The following ADAM12 variants were observed in gnomAD, a reference collection of about 807,000 sequenced individuals.
The protein encoded by ADAM12 is disintegrin and metalloproteinase domain-containing protein 12.
Under a neutral mutation model 106.4 loss-of-function variants are expected in ADAM12, and 70 were observed. That is an observed-to-expected ratio of 0.66 (90% confidence interval 0.54 to 0.80). The LOEUF is 0.80. Among genes scored for constraint, ADAM12 ranks in the 30% least tolerant of loss-of-function variants. The probability of loss-of-function intolerance (pLI) is 0.00; values close to 1 mark genes in which losing one functional copy is unlikely to be tolerated. For synonymous variants in ADAM12, 420 were observed against 433.5 expected (o/e 0.97, Z 0.39); for missense variants, 1,010 against 1,171.9 (o/e 0.86, Z 2.02).
intron 21 of ADAM12, among the ~76,000 whole-genome samples, chr10:126,026,966 C>A (rs1036375329): frequency 1.3e-5 from 2 of 151,588 alleles, no homozygotes; most frequent in Non-Finnish European, 2.9e-5. Flanking sequence ...TTCAACAAAT[C>A]AGTGAATCCA....
In ADAM12 at chr10:126,058,410, T is replaced by C. The variant is rs531576186; in HGVS notation, c.1609+6396A>G. Among the ~76,000 whole-genome samples, 15 of 152,368 alleles carry C rather than the reference T, an allele frequency of 9.8e-5. No homozygotes were observed. In the South Asian group the frequency reaches 2.9e-3, roughly 29 times the overall value. Reference sequence around the variant, plus strand: ...GCTGTCTGCTGGTTTATCTTTTCTATGTCTCTGGATTTCCACTTATTCATT... The same window carrying C: ...GCTGTCTGCTGGTTTATCTTTTCTACGTCTCTGGATTTCCACTTATTCATT... On this transcript the variant is annotated intron_variant, in intron 14 of 22. Coordinates refer to ENST00000448723, the MANE Select transcript of ADAM12 (RefSeq NM_001288973.2).
intron 8 of ADAM12, among the ~76,000 whole-genome samples, chr10:126,104,390 C>A (rs1955724548): frequency 6.8e-6 from 1 of 147,988 alleles, no homozygotes; most frequent in African/African-American, 2.5e-5. Context: ...GTGGAGGCTG[C>A]AGTGAGCCAA....
intron 3 of ADAM12, among the ~76,000 whole-genome samples, chr10:126,227,180 A>G (rs1029220366): frequency 3.5e-4 from 53 of 151,800 alleles, no homozygotes; most frequent in African/African-American, 1.3e-3. Context: ...CATAATCACC[A>G]TATCACCATT....
intron 7 of ADAM12, among the ~76,000 whole-genome samples, chr10:126,109,433 A>C (rs955458951): frequency 3.3e-5 from 5 of 152,158 alleles, no homozygotes; most frequent in African/African-American, 1.2e-4. Flanking sequence ...GATATTTTTT[A>C]AATGTCCCAT....
At chr10:126,197,516 GAAGCACAACC>G (rs1232190377) in intron 3 of ADAM12, among the ~76,000 whole-genome samples, 3 of 152,212 alleles carry the variant, frequency 2.0e-5, no homozygotes, top group Admixed American at 2.0e-4. Context: ...GGTTGCAGAG[GAAGCACAACC>G]AAGCCAGGAG....
At chr10:126,092,223 A>T (rs1444769186) in intron 11 of ADAM12, among the ~76,000 whole-genome samples, 2 of 152,282 alleles carry the variant, frequency 1.3e-5, no homozygotes, top group Non-Finnish European at 2.9e-5. Flanking sequence ...ATTTGTGCCC[A>T]TCTGATGATC....
intron 11 of ADAM12, among the ~76,000 whole-genome samples, chr10:126,084,394 A>G (rs1955294789): frequency 6.6e-6 from 1 of 152,188 alleles, no homozygotes; most frequent in African/African-American, 2.4e-5. Context: ...ACTCAGCTTC[A>G]TTGCAAGAAA....
In ADAM12 at chr10:126,012,612, C is replaced by G. The variant is rs1953589424; in HGVS notation, c.*4667G>C. ...CTGTTTACGTAACTGTATCTTTAAT[C>G]TGTACTGTGCTAAACAGCCTATAGC... On this transcript the variant is annotated 3_prime_UTR_variant, in exon 23 of 23. Transcript: ENST00000448723. 6.6e-6 allele frequency: 1 copy of G among 152,200 alleles called. No individual in the cohort carries two copies. The highest frequency in any genetic ancestry group is 1.5e-5 in the Non-Finnish European group (1 of 68,036). 9.4% of individuals were successfully genotyped at this position (152,200 alleles called of 1,614,324 possible).
intron 3 of ADAM12, among the ~76,000 whole-genome samples, chr10:126,262,887 T>C (rs191393822): frequency 3.3e-5 from 5 of 152,314 alleles, no homozygotes; most frequent in Non-Finnish European, 7.4e-5. Flanking sequence ...GGCTTCATCA[T>C]GTTGGCGAGG....
At chr10:126,257,272 C>A (rs1487122650) in intron 3 of ADAM12, among the ~76,000 whole-genome samples, 1 of 152,208 alleles carries the variant, frequency 6.6e-6, no homozygotes, top group African/African-American at 2.4e-5. Context: ...AGCCCAGACA[C>A]CAGGTATGCC....
chr10:126,093,102 A>G (rs1955495740), intron 11 of ADAM12, among the ~76,000 whole-genome samples: 1 of 152,232 alleles, frequency 6.6e-6, no homozygotes. Flanking sequence ...CCCAGAGAGC[A>G]GGCTTGGGCT....
At chr10:126,358,467 C>G (rs1394257150) in intron 1 of ADAM12, among the ~76,000 whole-genome samples, 1 of 152,126 alleles carries the variant, frequency 6.6e-6, no homozygotes, top group Non-Finnish European at 1.5e-5. Context: ...AAACTCTCAA[C>G]AAATTAGGCA....
intron 18 of ADAM12, chr10:126,042,360 C>G (rs1189428092): frequency 6.3e-6 from 8 of 1,275,290 alleles, no homozygotes; most frequent in Non-Finnish European, 8.6e-6. Flanking sequence ...GCCACGAGTT[C>G]AAGCACAGCT....
chr10:126,120,931 A>G (rs1225384867), intron 5 of ADAM12, among the ~76,000 whole-genome samples: 1 of 138,706 alleles, frequency 7.2e-6, no homozygotes, highest in Non-Finnish European at 1.5e-5. Flanking sequence ...ATAATTATAT[A>G]TTATATATTA....
At chr10:126,286,766 T>C (rs2366698) in intron 2 of ADAM12, among the ~76,000 whole-genome samples, 28,730 of 152,156 alleles carry the variant, frequency 0.19, 3,400 homozygotes, top group African/African-American at 0.34. Flanking sequence ...CTGTTTGTTA[T>C]TACATAAATA....
chr10:126,371,668 A>G (rs1856117604), intron 1 of ADAM12, among the ~76,000 whole-genome samples: 1 of 152,250 alleles, frequency 6.6e-6, no homozygotes. Context: ...TAATTAAGAT[A>G]TAAGTCAAGA....
intron 1 of ADAM12, 76 bp downstream of exon 1, chr10:126,387,982 A>C: frequency 8.5e-7 from 1 of 1,178,172 alleles, no homozygotes; most frequent in Non-Finnish European, 1.0e-6. Flanking sequence ...GCAGCCCTGG[A>C]CCTCGGCGCG....
At chr10:126,036,381 T>C (rs1331650117) in intron 20 of ADAM12, 56 bp from the exon 21 acceptor site, 24 of 1,532,036 alleles carry the variant, frequency 1.6e-5, no homozygotes, top group Admixed American at 2.2e-5. Flanking sequence ...TATCAGTAAC[T>C]CCTTAAGGAA....
chr10:126,093,511 C>A (rs1955503045), intron 11 of ADAM12, among the ~76,000 whole-genome samples: 1 of 152,204 alleles, frequency 6.6e-6, no homozygotes. Context: ...TCAGAGACAC[C>A]CTAGGGCCAA....
Sources: gnomAD v4.1 joint callset for allele counts (sites outside exome capture counted in the v4.1 genomes callset) on GRCh38, gnomAD v4.1.1 for gene constraint, MANE v1.5 for transcripts, NCBI Gene and HGNC (gene_info 2026-07-23, HGNC 2026-07-21) for gene names.